The following UBA52 variants were observed in gnomAD, a reference collection of about 807,000 sequenced individuals.
The protein encoded by UBA52 is ubiquitin A-52 residue ribosomal protein fusion product 1.
In UBA52, 1 loss-of-function variant was observed where a neutral mutation model predicts 15.3. The observed-to-expected ratio is 0.07, with a 90% confidence interval of 0.02 to 0.31. The LOEUF (loss-of-function observed/expected upper bound fraction) is 0.31, where lower values mean the gene tolerates loss of function less well. UBA52 is among the 10% of genes least tolerant of loss of function. The pLI, the probability that UBA52 is intolerant of heterozygous loss-of-function variation, is 1.00. For missense variants in UBA52, 87 were observed against 168.0 expected, an observed-to-expected ratio of 0.52 and a Z score of 2.66; for synonymous variants, 50 against 58.3, an observed-to-expected ratio of 0.86 and a Z score of 0.65.
At chr19:18,572,318 G>C (rs1975535374) in intron 1 of UBA52, 1 of 152,184 alleles carries the variant, frequency 6.6e-6, no homozygotes, top group Admixed American at 6.6e-5. Flanking sequence ...CTGCTTTTTA[G>C]ACTTTTCTTT....
At chr19:18,572,827 CAT>C in intron 1 of UBA52, 1 of 1,011,456 alleles carries the variant, frequency 9.9e-7, no homozygotes, top group Non-Finnish European at 1.2e-6. Flanking sequence ...GACAGGAAGG[CAT>C]GTGTGTTGTA....
the UBA52 span, chr19:18,565,287 T>A: frequency 3.5e-6 from 3 of 862,318 alleles, no homozygotes; most frequent in Non-Finnish European, 4.8e-6. Flanking sequence ...TGGAGTGCAG[T>A]GGCGCGACCT....
Position 18,575,266 on chromosome 19 carries a change from C to A in UBA52, c.*116C>A. ...ATTGGTGTCCTCATGGCTGATCTGT[C>A]CAGGGAGGTGGCTGAAGAGTGGGCA... is the stretch of plus-strand genomic sequence containing the variant. On this transcript the variant is annotated 3_prime_UTR_variant, in exon 5 of 5. Transcript: ENST00000442744. 1 of 1,280,754 alleles carries A rather than the reference C, an allele frequency of 7.8e-7. No homozygotes were observed. The highest frequency in any genetic ancestry group is 1.1e-6 in the Non-Finnish European group (1 of 913,616). The allele number at this position is 1,280,754 out of a possible 1,614,324, so 79.3% of individuals were successfully genotyped here. A position where few individuals can be genotyped will look rare whatever the true frequency, so the allele number is the denominator to read the frequency against.
In UBA52 at chr19:18,573,052, C is replaced by T. The variant is rs41292117; in HGVS notation, c.-8-241C>T. 1.5e-3 allele frequency: 1,969 copies of T among 1,317,832 alleles called. 20 individuals carry two copies. In the African/African-American group the frequency reaches 0.025, roughly 17 times the overall value. 81.6% of individuals were successfully genotyped at this position (1,317,832 alleles called of 1,614,324 possible). A position where few individuals can be genotyped will look rare whatever the true frequency, so the allele number is the denominator to read the frequency against. ...TCTGTGTTCCTGAAGAGCACCCGTG[C>T]GGTCAGGAGGGTGGAGGACATGTGG... On this transcript the variant is annotated intron_variant, in intron 1 of 4. Coordinates refer to ENST00000442744, the MANE Select transcript of UBA52 (RefSeq NM_001033930.3).
chr19:18,571,790 C>T (rs1229730753), upstream of UBA52: 1 of 152,292 alleles, frequency 6.6e-6, no homozygotes, highest in Non-Finnish European at 1.5e-5. Context: ...AATTGTGACG[C>T]AGGCGTCCGG....
upstream of UBA52, among the ~76,000 whole-genome samples, chr19:18,570,198 C>CTTTTTTT (rs55896114): frequency 6.7e-6 from 1 of 148,166 alleles, no homozygotes. Context: ...GTACTCAGCA[C>CTTTTTTT]TTTTTTTTTT....
intron 1 of UBA52, 31 bp from the exon 2 acceptor site, chr19:18,573,262 C>G (rs767189679): frequency 6.2e-7 from 1 of 1,600,856 alleles, no homozygotes; most frequent in Non-Finnish European, 8.6e-7. Flanking sequence ...GCATTGCTCA[C>G]CAGTCTATCC....
In UBA52 at chr19:18,577,486, G is replaced by A. The variant is rs2145307447; in HGVS notation, c.*2336G>A. The A allele has an allele frequency of 6.6e-6, 1 of 152,138 alleles. No individual in the cohort carries two copies. Among genetic ancestry groups the A allele is most frequent in the South Asian group, 2.1e-4 (1 of 4,814 alleles). 9.4% of individuals were successfully genotyped at this position (152,138 alleles called of 1,614,324 possible). A position where few individuals can be genotyped will look rare whatever the true frequency, so the allele number is the denominator to read the frequency against. ...CTCTCCTGGTCCGTGGACTCTTTTT[G>A]AACTGTTAACACTCCCCGCAAAGGT... On this transcript the variant is annotated 3_prime_UTR_variant, in exon 5 of 5. Transcript: ENST00000442744.
At chr19:18,565,173 C>T in the UBA52 span, 10 of 1,425,732 alleles carry the variant, frequency 7.0e-6, no homozygotes, top group Non-Finnish European at 8.2e-6. Flanking sequence ...AATTCCAACC[C>T]TGGGATAAAA....
upstream of UBA52, chr19:18,567,191 C>T (rs1568423101): frequency 1.2e-6 from 2 of 1,613,938 alleles, no homozygotes; most frequent in Non-Finnish European, 8.5e-7. Context: ...AAGTGTCACG[C>T]AGGGTTCCTG....
chr19:18,573,117 G>C (rs1975588402), intron 1 of UBA52, 176 bp from the exon 2 acceptor site: 1 of 1,162,074 alleles, frequency 8.6e-7, no homozygotes, highest in Non-Finnish European at 1.2e-6. Context: ...AGGCCAGGGT[G>C]TGTGAGAAGC....
At chr19:18,574,384 G>A (rs1031588200) in intron 3 of UBA52, among the ~76,000 whole-genome samples, 1 of 151,556 alleles carries the variant, frequency 6.6e-6, no homozygotes, top group Non-Finnish European at 1.5e-5. Context: ...CGTCTCCCGG[G>A]TTCAAGCGAT....
At chr19:18,569,771 T>C (rs996564588), upstream of UBA52, among the ~76,000 whole-genome samples, 4 of 151,834 alleles carry the variant, frequency 2.6e-5, no homozygotes, top group African/African-American at 9.7e-5. Context: ...TGGTGGCTCA[T>C]GCCTGTAATC....
chr19:18,572,732 G>A lies in UBA52; in HGVS notation c.-8-561G>A, dbSNP rs1975562941. 4 of 962,172 alleles carry A rather than the reference G, an allele frequency of 4.2e-6. No individual in the cohort carries two copies. In the South Asian group the frequency reaches 1.8e-4, roughly 44 times the overall value. The allele number at this position is 962,172 out of a possible 1,614,324, so 59.6% of individuals were successfully genotyped here. A position where few individuals can be genotyped will look rare whatever the true frequency, so the allele number is the denominator to read the frequency against. ...GTGGTTTGGGGTCAAGGCAAGAAGTGGGGTCTGGAGAGTTTTGGTGTAATT... is the reference window on the plus strand; with the variant it reads ...GTGGTTTGGGGTCAAGGCAAGAAGTAGGGTCTGGAGAGTTTTGGTGTAATT... On this transcript the variant is annotated intron_variant, in intron 1 of 4. Coordinates refer to ENST00000442744, the MANE Select transcript of UBA52 (RefSeq NM_001033930.3).
the UBA52 span, among the ~76,000 whole-genome samples, chr19:18,566,428 C>A: frequency 7.0e-6 from 1 of 142,934 alleles, no homozygotes; most frequent in African/African-American, 2.5e-5. Context: ...TGCACTCAAG[C>A]CTGGGCGACA....
the UBA52 span, chr19:18,564,891 A>G: frequency 6.2e-7 from 1 of 1,613,850 alleles, no homozygotes; most frequent in South Asian, 1.1e-5. Context: ...TGAGAAGACC[A>G]ATGAGATGCT....
At chr19:18,566,697 G>A in the UBA52 span, among the ~76,000 whole-genome samples, 2 of 152,014 alleles carry the variant, frequency 1.3e-5, no homozygotes, top group Non-Finnish European at 2.9e-5. Context: ...GGAGGCTGAG[G>A]GAGGACAATC....
chr19:18,573,259 T>C (rs751395833), intron 1 of UBA52, 34 bp from the exon 2 acceptor site: 1 of 1,599,380 alleles, frequency 6.3e-7, no homozygotes, highest in Non-Finnish European at 8.6e-7. Context: ...CATGCATTGC[T>C]CACCAGTCTA....
chr19:18,573,015 G>A (rs1418636209), intron 1 of UBA52: 2 of 1,283,446 alleles, frequency 1.6e-6, no homozygotes, highest in African/African-American at 3.0e-5. Context: ...AACCTAAGGA[G>A]AATAACCACA....
Sources: allele counts gnomAD v4.1 joint callset (sites outside exome capture counted in the v4.1 genomes callset), GRCh38; gene constraint gnomAD v4.1.1; transcripts MANE v1.5; gene names NCBI Gene and HGNC (gene_info 2026-07-23, HGNC 2026-07-21).